Variants in MAN2B1 observed in about 807,000 individuals in gnomAD.
MAN2B1 encodes mannosidase alpha class 2B member 1.
In MAN2B1, 99 loss-of-function variants were observed where a neutral mutation model predicts 127.5. That is an observed-to-expected ratio of 0.78 (90% confidence interval 0.66 to 0.92). The LOEUF (loss-of-function observed/expected upper bound fraction) is 0.92, where lower values mean the gene tolerates loss of function less well. Among genes scored for constraint, MAN2B1 ranks in the 40% least tolerant of loss-of-function variants. The pLI is 0.00. For missense variants in MAN2B1, 1,304 were observed against 1,384.8 expected (o/e 0.94, Z 0.93); for synonymous variants, 573 against 568.8 (o/e 1.01, Z -0.11).
At position 12,648,496 on chromosome 19, in the gene MAN2B1, G is replaced by C. The variant is rs1427792335; in HGVS notation, c.2437-94C>G. ...GTAAGGGCGTGTGGGAATGTCAAAA[G>C]AAATTAAAGGGTGGGAGGAACGGAT... On this transcript the variant is annotated intron_variant, in intron 20 of 23. Coordinates refer to ENST00000456935, the MANE Select transcript of MAN2B1 (RefSeq NM_000528.4). 5 of 900,924 alleles carry C rather than the reference G, an allele frequency of 5.5e-6. No individual in the cohort carries two copies. In the African/African-American group the frequency reaches 6.6e-5, roughly 12 times the overall value. The allele number at this position is 900,924 out of a possible 1,614,324, so 55.8% of individuals were successfully genotyped here.
chr19:12,663,235 C>T (rs79932579), intron 6 of MAN2B1, 82 bp downstream of exon 6: 7 of 1,521,856 alleles, frequency 4.6e-6, no homozygotes, highest in Middle Eastern at 1.7e-4. Context: ...ATAAGGAGAA[C>T]GTGTTAGGGG....
chr19:12,647,575 C>A lies in MAN2B1; in HGVS notation c.2688G>T (p.Leu896=). ...RTQFSGLRRD[L]PPSVHLLTLA... ...GCGTGAGCAGGTGCACCGAGGGCGG[C>A]AGGTCCCTGCGCAGCCCTGAGAACT... is the stretch of plus-strand genomic sequence containing the variant. The change falls in exon 22 of 24, where the codon CTG becomes CTT. Residue 896 remains leucine, a synonymous_variant. Transcript: ENST00000456935. The surrounding 1 kb of genome is among the most constrained non-coding windows in gnomAD (Gnocchi z 4.9). 1 of 1,613,828 alleles carries A rather than the reference C, an allele frequency of 6.2e-7. No individual in the cohort carries two copies. The highest frequency in any genetic ancestry group is 8.5e-7 in the Non-Finnish European group (1 of 1,179,918).
chr19:12,646,968 A>T (rs941300407), intron 23 of MAN2B1: 19 of 606,990 alleles, frequency 3.1e-5, no homozygotes, highest in Non-Finnish European at 5.3e-5. Context: ...CCCAGGGGTG[A>T]TGAACACCCT....
chr19:12,648,901 AG>A (rs1452530518), intron 20 of MAN2B1, among the ~76,000 whole-genome samples: 15 of 152,244 alleles, frequency 9.9e-5, no homozygotes. Context: ...AGGCTGAGGC[AG>A]GACAATCACT....
chr19:12,651,634 C>T (rs902015935), intron 16 of MAN2B1, among the ~76,000 whole-genome samples: 5 of 151,850 alleles, frequency 3.3e-5, no homozygotes, highest in Admixed American at 6.6e-5. Context: ...TGAATGTGGA[C>T]AAATGTGAGT....
chr19:12,657,081 G>C (rs2023981358), intron 11 of MAN2B1, 25 bp from the exon 12 acceptor site: 1 of 1,431,770 alleles, frequency 7.0e-7, no homozygotes, highest in African/African-American at 1.4e-5. Flanking sequence ...AAAGGGACCG[G>C]TGGGTTCAGG....
At chr19:12,652,591 G>A (rs1427838363) in intron 14 of MAN2B1, 131 bp from the exon 15 acceptor site, 4 of 711,084 alleles carry the variant, frequency 5.6e-6, no homozygotes, top group South Asian at 1.6e-5. Flanking sequence ...GAGTACAGTG[G>A]TGCAATCTTG....
chr19:12,664,911 G>A lies in MAN2B1; in HGVS notation c.511C>T (p.Gln171Ter), dbSNP rs1445498020. ...AATHYGAIVD[Q>*]MTLGLRFLED... ...AGAAAGCGCAGCCCAAGTGTCATCT[G>A]GTCCACGATGGCACCGTAGTGGGTG... Residue 171 changes from glutamine (Q) to a stop codon, truncating the protein, a stop_gained, in exon 4 of 24, where the codon CAG (glutamine) becomes TAG (stop). Transcript: ENST00000456935. LOFTEE classifies it high-confidence loss of function. 2 of 1,614,068 alleles carry A rather than the reference G, an allele frequency of 1.2e-6. No homozygotes were observed. The highest frequency in any genetic ancestry group is 1.7e-6 in the Non-Finnish European group (2 of 1,180,032).
Position 12,652,382 on chromosome 19 carries a change from C to T in MAN2B1, c.1909G>A (p.Val637Ile). ...CCTTACCAGAAGAAGGTCTGGCGAA[C>T]AGGCAGCAGGAGTTGCTGATTCATG... Reference protein sequence around the residue: ...MNMNQQLLLPVRQTFFWYNAS... With the variant: ...MNMNQQLLLPIRQTFFWYNAS... The change falls in exon 15 of 24, where the codon GTT becomes ATT. Residue 637 changes from valine (V) to isoleucine (I), a missense_variant. Coordinates refer to ENST00000456935, the MANE Select transcript of MAN2B1 (RefSeq NM_000528.4). The T allele has an allele frequency of 2.5e-6, 4 of 1,614,070 alleles. No homozygotes were observed. The highest frequency in any genetic ancestry group is 3.4e-6 in the Non-Finnish European group (4 of 1,179,982).
chr19:12,657,165 C>T (rs1599350152), intron 11 of MAN2B1, 109 bp from the exon 12 acceptor site: 4 of 759,008 alleles, frequency 5.3e-6, no homozygotes, highest in East Asian at 2.7e-5. Flanking sequence ...CCTCAAGAGT[C>T]GCCCCAAAAC....
rs760579690 is a variant in MAN2B1 at position 12,664,827 on chromosome 19, C to T, written c.595G>A (p.Gly199Ser). Reference protein sequence around the residue: ...PRVAWHIDPFGHSREQASLFA... With the variant: ...PRVAWHIDPFSHSREQASLFA... ...AGCGAGGCCTGCTCCCGAGAGTGGC[C>T]GAAGGGGTCAATGTGCCAGGCCACA... Residue 199 changes from glycine to serine, a missense_variant, in exon 4 of 24, where the codon GGC (glycine) becomes AGC (serine). Gly to Ser is a moderately conservative substitution (Grantham distance 56, BLOSUM62 0). Transcript: ENST00000456935. 12 of 1,613,642 alleles carry T rather than the reference C, an allele frequency of 7.4e-6. No homozygotes were observed. The highest frequency in any genetic ancestry group is 1.3e-5 in the African/African-American group (1 of 74,926).
At chr19:12,657,276 C>A in intron 11 of MAN2B1, 170 bp downstream of exon 11, 1 of 723,580 alleles carries the variant, frequency 1.4e-6, no homozygotes. Flanking sequence ...AGCCCCGCCC[C>A]GTTCCTGTAT....
chr19:12,654,938 T>C (rs1287107170), intron 14 of MAN2B1, among the ~76,000 whole-genome samples: 2 of 152,160 alleles, frequency 1.3e-5, no homozygotes, highest in Non-Finnish European at 2.9e-5. Flanking sequence ...GGTGCTAGAA[T>C]TACAGGTATA....
chr19:12,653,389 C>A (rs1308706766), intron 14 of MAN2B1, among the ~76,000 whole-genome samples: 1 of 14,150 alleles, frequency 7.1e-5, no homozygotes, highest in Non-Finnish European at 6.7e-4. Flanking sequence ...TCATGATCCA[C>A]CCCCCCCTCA....
Position 12,666,675 on chromosome 19 carries a change from C to A in MAN2B1, c.27G>T (p.Gly9=), listed in dbSNP as rs1428387159. The A allele has an allele frequency of 6.4e-7, 1 of 1,551,300 alleles. No individual in the cohort carries two copies. The highest frequency in any genetic ancestry group is 8.7e-7 in the Non-Finnish European group (1 of 1,147,636). MGAYARAS[G]VCARGCLDSA... Reference sequence around the variant, plus strand: ...AGTCCAGGCAGCCGCGAGCGCAGACCCCCGAAGCCCGCGCGTAGGCGCCCA... The same window carrying A: ...AGTCCAGGCAGCCGCGAGCGCAGACACCCGAAGCCCGCGCGTAGGCGCCCA... The change falls in exon 1 of 24, where the codon GGG becomes GGT. Residue 9 remains glycine (G), a synonymous_variant. Coordinates refer to ENST00000456935, the MANE Select transcript of MAN2B1 (RefSeq NM_000528.4).
At position 12,652,173 on chromosome 19, in the gene MAN2B1, C is replaced by T; in HGVS notation, c.2026G>A (p.Ala676Thr). The stretch of plus-strand genomic sequence containing the variant: ...CTGACCTTCACCAGGTGGATCTGAG[C>T]CCAGCGGCTCACAGGCAGCGGTTTC... ...QQKPLPVSRWAQIHLVKTPLV... is the reference protein window; with the variant it reads ...QQKPLPVSRWTQIHLVKTPLV... The change falls in exon 16 of 24, where the codon GCT (alanine) becomes ACT (threonine). Residue 676 changes from alanine to threonine, a missense_variant. Coordinates refer to ENST00000456935, the MANE Select transcript of MAN2B1 (RefSeq NM_000528.4). 1 of 1,614,082 alleles carries T rather than the reference C, an allele frequency of 6.2e-7. No homozygotes were observed. The highest frequency in any genetic ancestry group is 8.5e-7 in the Non-Finnish European group (1 of 1,179,964).
At position 12,664,894 on chromosome 19, in the gene MAN2B1, C is replaced by T. The variant is rs751028478; in HGVS notation, c.528G>A (p.Leu176=). The stretch of plus-strand genomic sequence containing the variant: ...TGCCAAATGTGTCCTCCAGAAAGCG[C>T]AGCCCAAGTGTCATCTGGTCCACGA... ...GAIVDQMTLG[L]RFLEDTFGND... is the part of the protein sequence containing the mutation. Residue 176 remains leucine, a synonymous_variant, in exon 4 of 24, where the codon CTG becomes CTA. Coordinates refer to ENST00000456935, the MANE Select transcript of MAN2B1 (RefSeq NM_000528.4). The T allele has an allele frequency of 1.2e-6, 2 of 1,614,218 alleles. No individual in the cohort carries two copies. Among genetic ancestry groups the T allele is most frequent in the Non-Finnish European group, 1.7e-6 (2 of 1,180,026 alleles).
At chr19:12,660,752 ATTTT>A (rs1168857464) in intron 7 of MAN2B1, 30 of 102,224 alleles carry the variant, frequency 2.9e-4, no homozygotes, top group South Asian at 1.1e-3. Flanking sequence ...CTCAGGCTGG[ATTTT>A]TTTTTTTTTT....
At chr19:12,653,485 G>C (rs997571353) in intron 14 of MAN2B1, among the ~76,000 whole-genome samples, 3 of 151,822 alleles carry the variant, frequency 2.0e-5, no homozygotes, top group Non-Finnish European at 4.4e-5. Flanking sequence ...AGGGCCGAGC[G>C]TGGTGGCTCA....
Sources: allele counts gnomAD v4.1 joint callset (sites outside exome capture counted in the v4.1 genomes callset), GRCh38; gene constraint gnomAD v4.1.1; non-coding constraint Gnocchi (gnomAD v3.1); transcripts MANE v1.5; gene names NCBI Gene and HGNC (gene_info 2026-07-23, HGNC 2026-07-21).